Variants in AFF2 observed in about 807,000 individuals in gnomAD.
AFF2 encodes AF4/FMR2 family member 2.
A neutral mutation model predicts 76.9 loss-of-function variants in AFF2; 14 were observed. The ratio of observed to expected loss-of-function variants is 0.18; its 90% confidence interval spans 0.12 to 0.28. The LOEUF (loss-of-function observed/expected upper bound fraction) is 0.28, where lower values mean the gene tolerates loss of function less well. Among genes scored for constraint, AFF2 ranks in the 10% least tolerant of loss-of-function variants. AFF2 has a pLI of 1.00. For synonymous variants in AFF2, 398 were observed against 366.7 expected (o/e 1.09, Z -0.98); for missense variants, 868 against 1,001.1 (o/e 0.87, Z 1.79).
intron 7 of AFF2, among the ~76,000 whole-genome samples, chrX:148,851,115 T>G (rs1557275291): frequency 8.9e-6 from 1 of 112,430 alleles, no homozygotes; most frequent in Non-Finnish European, 1.9e-5. Flanking sequence ...AGCCAGATCC[T>G]TTACCACAAT....
At chrX:148,614,738 T>TTTTCTTTCTTTCTTTCTTTCTTTCTTTC (rs563984440) in intron 1 of AFF2, among the ~76,000 whole-genome samples, 1 of 55,286 alleles carries the variant, frequency 1.8e-5, no homozygotes, top group African/African-American at 8.4e-5. Context: ...TCTTTCCTTC[T>TTTTCTTTCTTTCTTTCTTTCTTTCTTTC]TTTCTTTCTT....
intron 1 of AFF2, among the ~76,000 whole-genome samples, chrX:148,581,146 TATACATATACGTATACACAC>T (rs1332744205): frequency 3.0e-4 from 22 of 73,327 alleles, no homozygotes; most frequent in African/African-American, 9.1e-4. Flanking sequence ...TATACACACA[TATACATATACGTATACACAC>T]ATACATATAC....
intron 1 of AFF2, among the ~76,000 whole-genome samples, chrX:148,642,628 G>A (rs782534143): frequency 1.3e-4 from 14 of 111,902 alleles, no homozygotes; most frequent in East Asian, 8.5e-4. Flanking sequence ...GGGACGTGGC[G>A]CATGGGATGA....
At chrX:148,858,659 A>T (rs782765468) in intron 7 of AFF2, among the ~76,000 whole-genome samples, 22 of 111,494 alleles carry the variant, frequency 2.0e-4, no homozygotes, top group Non-Finnish European at 3.6e-4. Context: ...GTTTTGTTCA[A>T]ACTAATAATA....
intron 1 of AFF2, among the ~76,000 whole-genome samples, chrX:148,628,434 G>A (rs1419099324): frequency 9.0e-6 from 1 of 111,064 alleles, no homozygotes; most frequent in East Asian, 2.8e-4. Flanking sequence ...AACCAACCAT[G>A]ATTAGAAAGG....
At chrX:148,895,190 G>C (rs782809820) in intron 8 of AFF2, among the ~76,000 whole-genome samples, 4 of 111,254 alleles carry the variant, frequency 3.6e-5, no homozygotes, top group Non-Finnish European at 5.7e-5. Flanking sequence ...TTGCTTACTG[G>C]GGGGGCCAGC....
intron 1 of AFF2, among the ~76,000 whole-genome samples, chrX:148,639,909 A>G (rs2054070431): frequency 8.9e-6 from 1 of 111,970 alleles, no homozygotes; most frequent in African/African-American, 3.3e-5. Flanking sequence ...ACTAAACACT[A>G]TCATACCACC....
At chrX:148,745,473 T>C (rs5936423) in intron 3 of AFF2, among the ~76,000 whole-genome samples, 12,335 of 111,845 alleles carry the variant, frequency 0.11, 688 homozygotes, top group Non-Finnish European at 0.16. Flanking sequence ...AACAATATTT[T>C]GATGACTTAA....
At chrX:148,779,559 A>G (rs2069713527) in intron 3 of AFF2, among the ~76,000 whole-genome samples, 1 of 109,302 alleles carries the variant, frequency 9.1e-6, no homozygotes, top group Non-Finnish European at 1.9e-5. Flanking sequence ...TAGGATAGTT[A>G]GCTCTTCTTG....
intron 1 of AFF2, among the ~76,000 whole-genome samples, chrX:148,629,375 T>C (rs1284639521): frequency 1.8e-5 from 2 of 112,351 alleles, no homozygotes; most frequent in African/African-American, 3.2e-5. Context: ...ATCCAAACTT[T>C]ATGAAGTCAA....
intron 3 of AFF2, among the ~76,000 whole-genome samples, chrX:148,709,921 G>A (rs2054942957): frequency 8.9e-6 from 1 of 111,877 alleles, no homozygotes; most frequent in African/African-American, 3.3e-5. Flanking sequence ...ATGGCCCTGA[G>A]TCAATGATAA....
intron 3 of AFF2, among the ~76,000 whole-genome samples, chrX:148,674,089 A>T (rs1238445985): frequency 8.9e-6 from 1 of 112,306 alleles, no homozygotes; most frequent in East Asian, 2.8e-4. Flanking sequence ...CTGCTATTGT[A>T]GCATGAAAAC....
At chrX:148,589,731 A>G (rs2053505059) in intron 1 of AFF2, among the ~76,000 whole-genome samples, 1 of 110,791 alleles carries the variant, frequency 9.0e-6, no homozygotes, top group African/African-American at 3.3e-5. Context: ...CTTTTCCACC[A>G]GCCTAATATA....
At chrX:148,503,392 T>G (rs2052374559) in intron 1 of AFF2, among the ~76,000 whole-genome samples, 1 of 111,472 alleles carries the variant, frequency 9.0e-6, no homozygotes, top group African/African-American at 3.3e-5. Flanking sequence ...TCCTTGGGAG[T>G]AAATAGCTAC....
intron 5 of AFF2, among the ~76,000 whole-genome samples, chrX:148,841,459 A>G (rs148183710): frequency 1.8e-5 from 2 of 111,904 alleles, no homozygotes; most frequent in Non-Finnish European, 3.8e-5. Flanking sequence ...TAAAGATTAT[A>G]TCAAGCATGC....
At chrX:148,810,666 G>C (rs933196103) in intron 4 of AFF2, among the ~76,000 whole-genome samples, 10 of 111,617 alleles carry the variant, frequency 9.0e-5, no homozygotes, top group Admixed American at 4.7e-4. Context: ...TTATCTCTCT[G>C]AATCTCCTTT....
chrX:148,754,809 G>T (rs1363072126), intron 3 of AFF2, among the ~76,000 whole-genome samples: 3 of 111,866 alleles, frequency 2.7e-5, no homozygotes, highest in Non-Finnish European at 3.8e-5. Context: ...CAATTCAACT[G>T]TACTATTAAT....
intron 3 of AFF2, among the ~76,000 whole-genome samples, chrX:148,724,459 A>C (rs782237462): frequency 8.9e-6 from 1 of 112,285 alleles, no homozygotes; most frequent in African/African-American, 3.2e-5. Flanking sequence ...TATAAAAAAT[A>C]ATAAAATCAA....
intron 8 of AFF2, among the ~76,000 whole-genome samples, chrX:148,888,371 G>A (rs2071184450): frequency 8.9e-6 from 1 of 112,190 alleles, no homozygotes. Context: ...TGGCTAAGTA[G>A]CATTCCATTG....
Sources: allele counts gnomAD v4.1 joint callset (sites outside exome capture counted in the v4.1 genomes callset), GRCh38; gene constraint gnomAD v4.1.1; transcripts MANE v1.5; gene names NCBI Gene and HGNC (gene_info 2026-07-23, HGNC 2026-07-21).